Variants in DMXL1 observed in about 807,000 individuals in gnomAD.
DMXL1 encodes the protein dmX-like protein 1.
DMXL1 carries 99 observed loss-of-function variants against 319.2 expected under a neutral mutation model. That is an observed-to-expected ratio of 0.31 (90% CI 0.26 to 0.37). The LOEUF (loss-of-function observed/expected upper bound fraction) is 0.37, where lower values mean the gene tolerates loss of function less well. Among genes scored for constraint, DMXL1 ranks in the 10% least tolerant of loss-of-function variants. The pLI, the probability that DMXL1 is intolerant of heterozygous loss-of-function variation, is 1.00. For synonymous variants in DMXL1, 1,385 were observed against 1,235.2 expected, an observed-to-expected ratio of 1.12 and a Z score of -2.54; for missense variants, 3,745 against 3,595.6, an observed-to-expected ratio of 1.04 and a Z score of -1.06.
At chr5:119,100,908 T>C (rs913773726) in intron 2 of DMXL1, among the ~76,000 whole-genome samples, 2 of 150,466 alleles carry the variant, frequency 1.3e-5, no homozygotes, top group South Asian at 2.1e-4. Flanking sequence ...GCCTCCCGAG[T>C]AGCTGGGACT....
intron 13 of DMXL1, 29 bp downstream of exon 13, chr5:119,134,418 G>T: frequency 1.9e-6 from 3 of 1,552,456 alleles, no homozygotes; most frequent in Non-Finnish European, 2.6e-6. Flanking sequence ...AACAGCTTAA[G>T]TATATAATAT....
intron 13 of DMXL1, among the ~76,000 whole-genome samples, chr5:119,139,277 T>A (rs1328869371): frequency 6.6e-6 from 1 of 152,166 alleles, no homozygotes; most frequent in African/African-American, 2.4e-5. Context: ...TCCACACATG[T>A]CAGTGCTAAC....
At chr5:119,087,049 T>A (rs1324290497) in intron 1 of DMXL1, among the ~76,000 whole-genome samples, 1 of 152,128 alleles carries the variant, frequency 6.6e-6, no homozygotes, top group Admixed American at 6.5e-5. Flanking sequence ...GTCTTCTATT[T>A]AATTTGTTAC....
At chr5:119,210,071 C>T (rs1424393653) in intron 34 of DMXL1, among the ~76,000 whole-genome samples, 1 of 151,990 alleles carries the variant, frequency 6.6e-6, no homozygotes, top group African/African-American at 2.4e-5. Flanking sequence ...TGGGTACAAG[C>T]GATTCTCATA....
intron 26 of DMXL1, 67 bp from the exon 27 acceptor site, chr5:119,177,290 T>C: frequency 8.8e-7 from 1 of 1,139,682 alleles, no homozygotes; most frequent in Admixed American, 3.3e-5. Context: ...CTCTTGAAAG[T>C]AGATCTGAAA....
At chr5:119,226,173 A>G (rs1785514794) in intron 38 of DMXL1, among the ~76,000 whole-genome samples, 1 of 152,152 alleles carries the variant, frequency 6.6e-6, no homozygotes, top group South Asian at 2.1e-4. Context: ...TGCTGTCTTG[A>G]GAGATAAATC....
intron 4 of DMXL1, among the ~76,000 whole-genome samples, chr5:119,108,199 CAA>C (rs1291393459): frequency 1.3e-5 from 2 of 152,052 alleles, no homozygotes; most frequent in Admixed American, 6.6e-5. Flanking sequence ...CCTGTCTCTT[CAA>C]AAAATTTAAA....
At position 119,167,644 on chromosome 5, in the gene DMXL1, A is replaced by G; in HGVS notation, c.5178A>G (p.Val1726=). The G allele has an allele frequency of 1.2e-6, 2 of 1,610,076 alleles. No individual in the cohort carries two copies. Among genetic ancestry groups the G allele is most frequent in the Non-Finnish European group, 1.7e-6 (2 of 1,177,678 alleles). The change falls in exon 23 of 44, where the codon GTA becomes GTG. Residue 1726 remains valine (V), a synonymous_variant. Coordinates refer to ENST00000539542, the MANE Select transcript of DMXL1 (RefSeq NM_001290321.3). Reference sequence around the variant, plus strand: ...TGAATGACATTCAGTTGGCTCTTGTAATAGCAAGACTCTATGAGTCTGAAT... The same window carrying G: ...TGAATGACATTCAGTTGGCTCTTGTGATAGCAAGACTCTATGAGTCTGAAT... ...EKLNDIQLAL[V]IARLYESEFD...
intron 32 of DMXL1, among the ~76,000 whole-genome samples, chr5:119,200,151 TC>T (rs34746954): frequency 6.6e-6 from 1 of 152,308 alleles, no homozygotes; most frequent in African/African-American, 2.4e-5. Flanking sequence ...CTTTGCCTGT[TC>T]CTGTGTCCGG....
chr5:119,156,151 A>G (rs974952453), intron 19 of DMXL1, among the ~76,000 whole-genome samples: 1 of 152,242 alleles, frequency 6.6e-6, no homozygotes, highest in Non-Finnish European at 1.5e-5. Context: ...TGCTATAGCC[A>G]TCCCAGCCTT....
intron 34 of DMXL1, among the ~76,000 whole-genome samples, chr5:119,209,404 T>C (rs2150503971): frequency 6.6e-6 from 1 of 151,182 alleles, no homozygotes; most frequent in African/African-American, 2.4e-5. Context: ...AGGCTGGGTG[T>C]AGTGGTGTGA....
chr5:119,167,779 T>C lies in DMXL1; in HGVS notation c.5313T>C (p.Phe1771=). Residue 1771 remains phenylalanine (F), a synonymous_variant, in exon 23 of 44, where the codon TTT becomes TTC. Transcript: ENST00000539542. ...ACATAAATATGCATCATGATCCTTT[T>C]CTTCGGAGCATGGCATATTGGATTT... ...SLNINMHHDP[F]LRSMAYWILE... is the part of the protein sequence containing the mutation. The C allele has an allele frequency of 1.9e-6, 3 of 1,613,644 alleles. No individual in the cohort carries two copies. The highest frequency in any genetic ancestry group is 2.5e-6 in the Non-Finnish European group (3 of 1,179,728).
intron 34 of DMXL1, among the ~76,000 whole-genome samples, chr5:119,212,434 T>C (rs1020399551): frequency 6.6e-6 from 1 of 152,246 alleles, no homozygotes; most frequent in Non-Finnish European, 1.5e-5. Context: ...TGTTCATACA[T>C]TTTGTTTATC....
intron 37 of DMXL1, among the ~76,000 whole-genome samples, chr5:119,224,138 A>G (rs1361537303): frequency 6.6e-6 from 1 of 152,128 alleles, no homozygotes; most frequent in Non-Finnish European, 1.5e-5. Context: ...ATCCAAAAGA[A>G]TAACAATAAC....
At chr5:119,191,803 G>T (rs1166591753) in intron 29 of DMXL1, among the ~76,000 whole-genome samples, 1 of 152,154 alleles carries the variant, frequency 6.6e-6, no homozygotes, top group Middle Eastern at 3.2e-3. Flanking sequence ...GCTGACCCTG[G>T]TGGAACACCT....
At chr5:119,090,587 A>T (rs1580638585) in intron 1 of DMXL1, among the ~76,000 whole-genome samples, 1 of 131,770 alleles carries the variant, frequency 7.6e-6, no homozygotes, top group African/African-American at 2.9e-5. Context: ...TTTGAGACAG[A>T]GTTTCACTCT....
intron 1 of DMXL1, among the ~76,000 whole-genome samples, chr5:119,096,284 C>G (rs897060095): frequency 5.9e-5 from 9 of 151,458 alleles, no homozygotes; most frequent in African/African-American, 2.2e-4. Flanking sequence ...TCAAGCGATT[C>G]TCCTGCCTCA....
At position 119,146,985 on chromosome 5, in the gene DMXL1, A is replaced by G. The variant is rs763407363; in HGVS notation, c.2689+29A>G. 16 of 1,607,306 alleles carry G rather than the reference A, an allele frequency of 1.0e-5. No individual in the cohort carries two copies. The South Asian group carries it at 1.4e-4, about 15-fold the overall frequency. On this transcript the variant is annotated intron_variant, in intron 16 of 43. Coordinates refer to ENST00000539542, the MANE Select transcript of DMXL1 (RefSeq NM_001290321.3). ...AGTCTTTTGTGTGTGTGTTTGTGCA[A>G]CTTTAATAGGTGTAAGTTAACAAAT...
At chr5:119,103,679 C>T (rs934297109) in intron 3 of DMXL1, among the ~76,000 whole-genome samples, 4 of 152,110 alleles carry the variant, frequency 2.6e-5, no homozygotes, top group African/African-American at 9.7e-5. Context: ...CTATTTGAGC[C>T]TCTTAAAGCC....
Sources: allele counts gnomAD v4.1 joint callset (sites outside exome capture counted in the v4.1 genomes callset), GRCh38; gene constraint gnomAD v4.1.1; transcripts MANE v1.5; gene names NCBI Gene and HGNC (gene_info 2026-07-23, HGNC 2026-07-21).